The following CAMTA1 variants were observed in gnomAD, a reference collection of about 807,000 sequenced individuals.
The protein encoded by CAMTA1 is calmodulin-binding transcription activator 1.
CAMTA1 carries 27 observed loss-of-function variants against 170.9 expected under a neutral mutation model. The ratio of observed to expected loss-of-function variants is 0.16; its 90% confidence interval spans 0.12 to 0.22. CAMTA1 has a LOEUF of 0.22. Among genes scored for constraint, CAMTA1 ranks in the 10% least tolerant of loss-of-function variants. The pLI, the probability that CAMTA1 is intolerant of heterozygous loss-of-function variation, is 1.00. For synonymous variants in CAMTA1, 833 were observed against 891.5 expected (o/e 0.93, Z 1.17); for missense variants, 1,619 against 2,217.2 (o/e 0.73, Z 5.42).
chr1:7,335,124 T>TTGTGTGTGTGGGTGTGTGTGTGTGTG (rs2083273296), intron 5 of CAMTA1, among the ~76,000 whole-genome samples: 1 of 19,176 alleles, frequency 5.2e-5, no homozygotes, highest in Non-Finnish European at 9.9e-5. Context: ...AGCACAGCTT[T>TTGTGTGTGTGGGTGTGTGTGTGTGTG]TGTGTGTGTG....
chr1:6,811,976 G>C (rs1436704661), intron 1 of CAMTA1, among the ~76,000 whole-genome samples: 1 of 152,194 alleles, frequency 6.6e-6, no homozygotes, highest in Admixed American at 6.5e-5. Flanking sequence ...AAAAATGTTT[G>C]AGAGGCATGG....
chr1:7,678,983 C>G (rs868487148), intron 11 of CAMTA1, among the ~76,000 whole-genome samples: 1 of 152,212 alleles, frequency 6.6e-6, no homozygotes, highest in Non-Finnish European at 1.5e-5. Flanking sequence ...GAGAGGGTGC[C>G]GACAGCTGCC....
intron 4 of CAMTA1, among the ~76,000 whole-genome samples, chr1:7,204,830 CTTTTT>C (rs367812076): frequency 2.3e-5 from 2 of 86,806 alleles, no homozygotes; most frequent in Non-Finnish European, 4.3e-5. Context: ...TTCTTTTTTT[CTTTTT>C]TTTTTTTTTT....
At chr1:6,986,397 C>T (rs1440302131) in intron 3 of CAMTA1, among the ~76,000 whole-genome samples, 1 of 152,158 alleles carries the variant, frequency 6.6e-6, no homozygotes, top group African/African-American at 2.4e-5. Flanking sequence ...GGGGAGGGCT[C>T]ACTGGGCAGA....
chr1:7,337,932 C>T (rs1009466545), intron 5 of CAMTA1, among the ~76,000 whole-genome samples: 7 of 151,466 alleles, frequency 4.6e-5, no homozygotes, highest in Non-Finnish European at 1.0e-4. Flanking sequence ...CACAATAGAT[C>T]GTGTGAGCCA....
chr1:6,806,969 CCTAT>C (rs1384591992), intron 1 of CAMTA1: 10 of 545,942 alleles, frequency 1.8e-5, no homozygotes, highest in Non-Finnish European at 2.7e-5. Flanking sequence ...TAACAAAGTG[CCTAT>C]CTGTGCCAGG....
chr1:7,474,874 C>A (rs1388447855), intron 6 of CAMTA1, among the ~76,000 whole-genome samples: 1 of 152,236 alleles, frequency 6.6e-6, no homozygotes, highest in Non-Finnish European at 1.5e-5. Flanking sequence ...CCCCGCACCC[C>A]ACTCCAGGAC....
intron 1 of CAMTA1, among the ~76,000 whole-genome samples, chr1:6,813,576 T>C (rs1374264350): frequency 6.6e-6 from 1 of 152,054 alleles, no homozygotes; most frequent in Non-Finnish European, 1.5e-5. Flanking sequence ...TTTAAAAATA[T>C]CTGCAACATT....
chr1:6,842,239 G>A (rs532681381), intron 3 of CAMTA1, among the ~76,000 whole-genome samples: 1 of 152,332 alleles, frequency 6.6e-6, no homozygotes, highest in Non-Finnish European at 1.5e-5. Flanking sequence ...TGGACCCAGT[G>A]GCTCTCAAGT....
At chr1:7,457,603 C>A (rs2149491288) in intron 5 of CAMTA1, among the ~76,000 whole-genome samples, 1 of 152,338 alleles carries the variant, frequency 6.6e-6, no homozygotes, top group Non-Finnish European at 1.5e-5. Context: ...GCGACTCTTA[C>A]CTCTGCTCCC....
At chr1:7,486,410 C>T (rs868432020) in intron 6 of CAMTA1, among the ~76,000 whole-genome samples, 12 of 152,324 alleles carry the variant, frequency 7.9e-5, no homozygotes, top group Admixed American at 6.5e-4. Flanking sequence ...TCTTGTATTG[C>T]CTCTGCACAT....
Position 7,249,339 on chromosome 1 carries a change from C to A in CAMTA1, c.303-152C>A. On this transcript the variant is annotated intron_variant, in intron 4 of 22. Transcript: ENST00000303635. The surrounding 1 kb of genome is among the most constrained non-coding windows in gnomAD (Gnocchi z 4.4). ...TGGCTGGCCATAAAACATGGTTAAT[C>A]CAGGGAGATGCAATAAAAGGTGAAA... is the stretch of plus-strand genomic sequence containing the variant. 2 of 786,964 alleles carry A rather than the reference C, an allele frequency of 2.5e-6. No homozygotes were observed. The highest frequency in any genetic ancestry group is 4.0e-6 in the Non-Finnish European group (2 of 503,746). The allele number at this position is 786,964 out of a possible 1,614,324, so 48.7% of individuals were successfully genotyped here. A position where few individuals can be genotyped will look rare whatever the true frequency, so the allele number is the denominator to read the frequency against.
intron 4 of CAMTA1, among the ~76,000 whole-genome samples, chr1:7,103,568 AC>A (rs1643072267): frequency 1.6e-5 from 1 of 63,104 alleles, no homozygotes; most frequent in Non-Finnish European, 4.3e-5. Flanking sequence ...CATACACACA[AC>A]ACAACTACAC....
intron 3 of CAMTA1, chr1:7,008,840 TGAA>T (rs1699384141): frequency 6.6e-6 from 1 of 152,258 alleles, no homozygotes; most frequent in African/African-American, 2.4e-5. Flanking sequence ...ATTTAGTGAA[TGAA>T]ATATTTAACC....
intron 6 of CAMTA1, among the ~76,000 whole-genome samples, chr1:7,611,171 T>A (rs1037406813): frequency 6.6e-6 from 1 of 152,182 alleles, no homozygotes; most frequent in Non-Finnish European, 1.5e-5. Context: ...GCCTAGTCCA[T>A]GCTCTCGGTG....
At chr1:6,926,444 C>CTT (rs1217531409) in intron 3 of CAMTA1, among the ~76,000 whole-genome samples, 9 of 51,870 alleles carry the variant, frequency 1.7e-4, no homozygotes, top group Non-Finnish European at 2.3e-4. Flanking sequence ...TTTTCTCTTT[C>CTT]TTTCTTTCTT....
intron 4 of CAMTA1, among the ~76,000 whole-genome samples, chr1:7,150,873 G>A (rs1159870890): frequency 1.3e-5 from 2 of 152,152 alleles, no homozygotes; most frequent in African/African-American, 4.8e-5. Context: ...TGCCGCAGAC[G>A]GACTCAGAAA....
At chr1:7,197,223 T>C (rs1328413201) in intron 4 of CAMTA1, among the ~76,000 whole-genome samples, 2 of 152,140 alleles carry the variant, frequency 1.3e-5, no homozygotes, top group Admixed American at 1.3e-4. Flanking sequence ...CACACGTGTG[T>C]GTCAAATGTG....
chr1:7,327,656 A>G (rs887783146), intron 5 of CAMTA1, among the ~76,000 whole-genome samples: 3 of 152,180 alleles, frequency 2.0e-5, no homozygotes, highest in African/African-American at 7.2e-5. Context: ...TGCTGGAGGA[A>G]TGTCCTTGAT....
Sources: gnomAD v4.1 joint callset for allele counts (sites outside exome capture counted in the v4.1 genomes callset) on GRCh38, gnomAD v4.1.1 for gene constraint, Gnocchi (gnomAD v3.1) non-coding constraint, MANE v1.5 for transcripts, NCBI Gene and HGNC (gene_info 2026-07-23, HGNC 2026-07-21) for gene names.